The following COL6A6 variants were observed in gnomAD, a reference collection of about 807,000 sequenced individuals.
The protein encoded by COL6A6 is collagen alpha-6(VI) chain.
In COL6A6, 183 loss-of-function variants were observed where a neutral mutation model predicts 208.6. The ratio of observed to expected loss-of-function variants is 0.88; its 90% confidence interval spans 0.78 to 0.99. COL6A6 has a LOEUF of 0.99. Ranked by LOEUF, COL6A6 falls within the 50% of genes least tolerant of loss-of-function variation. The pLI, the probability that COL6A6 is intolerant of heterozygous loss-of-function variation, is 0.00. For missense variants in COL6A6, 2,816 were observed against 2,815.2 expected (o/e 1.00, Z -0.01); for synonymous variants, 973 against 1,011.8 (o/e 0.96, Z 0.73).
At chr3:130,570,104 G>A (rs1268988688) in intron 6 of COL6A6, among the ~76,000 whole-genome samples, 1 of 152,158 alleles carries the variant, frequency 6.6e-6, no homozygotes, top group African/African-American at 2.4e-5. Context: ...CTGCACCTTT[G>A]GAGGGAACAT....
chr3:130,661,953 C>A lies in COL6A6; in HGVS notation c.6147C>A (p.His2049Gln), dbSNP rs761592897. 2 of 1,613,938 alleles carry A rather than the reference C, an allele frequency of 1.2e-6. No individual in the cohort carries two copies. The highest frequency in any genetic ancestry group is 1.7e-6 in the Non-Finnish European group (2 of 1,179,852). The change falls in exon 35 of 37, where the codon CAC becomes CAA. Residue 2049 changes from histidine to glutamine, a missense_variant. His to Gln is a conservative substitution (Grantham distance 24). Coordinates refer to ENST00000358511, the MANE Select transcript of COL6A6 (RefSeq NM_001102608.3). Reference sequence around the variant, plus strand: ...AGCGCCTCATGAAGAGGCATGTGCACGAGTCAGTTAAACAACTAAATGGAG... The same window carrying A: ...AGCGCCTCATGAAGAGGCATGTGCAAGAGTCAGTTAAACAACTAAATGGAG... ...RSKRLMKRHV[H>Q]ESVKQLNGDA...
At chr3:130,530,240 A>G (rs2062051888) in intron 1 of COL6A6, among the ~76,000 whole-genome samples, 1 of 151,750 alleles carries the variant, frequency 6.6e-6, no homozygotes, top group East Asian at 1.9e-4. Context: ...CAGCATTCTC[A>G]TCTATCAAAT....
intron 33 of COL6A6, among the ~76,000 whole-genome samples, chr3:130,653,135 A>G (rs1170281926): frequency 6.6e-6 from 1 of 152,118 alleles, no homozygotes; most frequent in Admixed American, 6.5e-5. Context: ...TTGCCTTTAG[A>G]TTTGTTTAGC....
chr3:130,611,665 C>A (rs552457299), intron 23 of COL6A6, among the ~76,000 whole-genome samples: 1 of 152,170 alleles, frequency 6.6e-6, no homozygotes, highest in Non-Finnish European at 1.5e-5. Context: ...GATTCCATTA[C>A]GTGTGTACGT....
Position 130,581,680 on chromosome 3 carries a change from T to C in COL6A6, c.3667T>C (p.Ser1223Pro). The C allele has an allele frequency of 1.2e-6, 2 of 1,613,916 alleles. No individual in the cohort carries two copies. Among genetic ancestry groups the C allele is most frequent in the East Asian group, 4.5e-5 (2 of 44,884 alleles). ...YLQDILRAIS[S>P]LNGVSCEVGT... is the part of the protein sequence containing the mutation. ...TCAAGACATCTTACGTGCCATCAGCTCCCTCAATGGAGTAAGCTGTGAGGT... is the reference window on the plus strand; with the variant it reads ...TCAAGACATCTTACGTGCCATCAGCCCCCTCAATGGAGTAAGCTGTGAGGT... The change falls in exon 9 of 37, where the codon TCC becomes CCC. Residue 1223 changes from serine to proline, a missense_variant. By Grantham distance (74) the Ser-to-Pro change is moderately conservative. Transcript: ENST00000358511.
intron 1 of COL6A6, among the ~76,000 whole-genome samples, chr3:130,546,430 A>G (rs1577663015): frequency 1.3e-5 from 2 of 152,214 alleles, no homozygotes; most frequent in South Asian, 2.1e-4. Context: ...GTGCAGACCC[A>G]AAGAGTGAGC....
Position 130,608,901 on chromosome 3 carries a change from G to A in COL6A6, c.4690-1G>A. On this transcript the variant is annotated splice_acceptor_variant, in intron 21 of 36. Transcript: ENST00000358511. LOFTEE classifies it high-confidence loss of function. ...AACAGATTGATTCTTTCTCGCCACA[G>A]GGAACAGCAGGCATCCCAGGACCAG... 9 of 1,609,664 alleles carry A rather than the reference G, an allele frequency of 5.6e-6. No individual in the cohort carries two copies. The highest frequency in any genetic ancestry group is 7.6e-6 in the Non-Finnish European group (9 of 1,178,172).
intron 29 of COL6A6, 126 bp from the exon 30 acceptor site, chr3:130,642,706 C>T: frequency 5.3e-6 from 4 of 756,336 alleles, no homozygotes; most frequent in Admixed American, 2.9e-5. Flanking sequence ...TTCTTTTTTG[C>T]CTCTTACAAT....
At position 130,593,257 on chromosome 3, in the gene COL6A6, G is replaced by A. The variant is rs2063766113; in HGVS notation, c.4470+5G>A. 6.2e-7 allele frequency: 1 copy of A among 1,608,784 alleles called. No homozygotes were observed. The highest frequency in any genetic ancestry group is 1.3e-5 in the African/African-American group (1 of 74,790). On this transcript the variant is annotated splice_donor_5th_base_variant and intron_variant, in intron 17 of 36. Coordinates refer to ENST00000358511, the MANE Select transcript of COL6A6 (RefSeq NM_001102608.3). ...AAGGGAGATGAGGGATCTCAGGTAG[G>A]GATTTGAAAAGGAAGAACATAAAAA... is the stretch of plus-strand genomic sequence containing the variant.
chr3:130,614,308 C>T, intron 23 of COL6A6, among the ~76,000 whole-genome samples: 1 of 152,138 alleles, frequency 6.6e-6, no homozygotes. Context: ...TGACGAATCA[C>T]ATTTATTGAT....
At chr3:130,662,461 T>G (rs2065962606) in intron 35 of COL6A6, among the ~76,000 whole-genome samples, 153 bp downstream of exon 35, 1 of 152,120 alleles carries the variant, frequency 6.6e-6, no homozygotes, top group African/African-American at 2.4e-5. Context: ...TGACGGATGG[T>G]AGAAGGGAGG....
chr3:130,644,496 A>G (rs1482148706), intron 31 of COL6A6, among the ~76,000 whole-genome samples: 2 of 152,206 alleles, frequency 1.3e-5, no homozygotes, highest in African/African-American at 4.8e-5. Context: ...AATTCAGAGT[A>G]ACTCCACCTC....
chr3:130,544,615 T>G (rs766471743), intron 1 of COL6A6, among the ~76,000 whole-genome samples: 1 of 151,968 alleles, frequency 6.6e-6, no homozygotes, highest in Non-Finnish European at 1.5e-5. Context: ...AACTCCATAC[T>G]GTTTTCCACA....
intron 32 of COL6A6, among the ~76,000 whole-genome samples, chr3:130,648,292 GA>G (rs2065519403): frequency 6.6e-6 from 1 of 152,190 alleles, no homozygotes; most frequent in African/African-American, 2.4e-5. Context: ...TCCTTTTAGT[GA>G]TGTATTTCTC....
chr3:130,582,346 T>C (rs1281352527), intron 10 of COL6A6, among the ~76,000 whole-genome samples: 2 of 152,182 alleles, frequency 1.3e-5, no homozygotes, highest in African/African-American at 2.4e-5. Flanking sequence ...TCCTGGAGAA[T>C]GTTCCTTTCT....
intron 19 of COL6A6, among the ~76,000 whole-genome samples, chr3:130,598,948 T>G (rs958349779): frequency 6.6e-6 from 1 of 152,168 alleles, no homozygotes; most frequent in Non-Finnish European, 1.5e-5. Flanking sequence ...AAAAAATGCG[T>G]TACTGGATTT....
intron 20 of COL6A6, among the ~76,000 whole-genome samples, chr3:130,604,999 C>A (rs569062235): frequency 5.9e-5 from 9 of 152,218 alleles, no homozygotes; most frequent in Non-Finnish European, 1.0e-4. Flanking sequence ...TTGTGGGGAC[C>A]TTTCAGCCTA....
intron 1 of COL6A6, among the ~76,000 whole-genome samples, chr3:130,531,061 G>GTCTCTCTCTCTCTCTCTCTC (rs10662894): frequency 8.0e-5 from 11 of 136,656 alleles, no homozygotes; most frequent in African/African-American, 3.2e-4. Context: ...CACACACACA[G>GTCTCTCTCTCTCTCTCTCTC]TCTCTCTCTC....
chr3:130,651,900 G>A (rs1273353022), intron 33 of COL6A6, among the ~76,000 whole-genome samples: 3 of 152,202 alleles, frequency 2.0e-5, no homozygotes, highest in Non-Finnish European at 2.9e-5. Flanking sequence ...ACTTTTGAGT[G>A]TTCAGTCTCA....
Sources: gnomAD v4.1 joint callset for allele counts (sites outside exome capture counted in the v4.1 genomes callset) on GRCh38, gnomAD v4.1.1 for gene constraint, MANE v1.5 for transcripts, NCBI Gene and HGNC (gene_info 2026-07-23, HGNC 2026-07-21) for gene names.